Variants in CSMD1 observed in about 807,000 individuals in gnomAD.
CSMD1 encodes the protein CUB and Sushi multiple domains 1, also known as CUB and sushi domain-containing protein 1.
In CSMD1, 213 loss-of-function variants were observed where a neutral mutation model predicts 417.5. That is an observed-to-expected ratio of 0.51 (90% CI 0.46 to 0.57). CSMD1 has a LOEUF of 0.57. Among genes scored for constraint, CSMD1 ranks in the 20% least tolerant of loss-of-function variants. The pLI, the probability that CSMD1 is intolerant of heterozygous loss-of-function variation, is 0.00. For missense variants in CSMD1, 6,923 were observed against 4,529.7 expected (o/e 1.53, Z -15.17); for synonymous variants, 2,862 against 1,736.8 (o/e 1.65, Z -16.11).
At chr8:3,690,738 G>T (rs890599101) in intron 7 of CSMD1, among the ~76,000 whole-genome samples, 1 of 152,136 alleles carries the variant, frequency 6.6e-6, no homozygotes, top group Non-Finnish European at 1.5e-5. Flanking sequence ...TTTGTACTGA[G>T]ATACTCTTAA....
At chr8:4,179,633 G>C (rs1408716417) in intron 3 of CSMD1, among the ~76,000 whole-genome samples, 2 of 152,048 alleles carry the variant, frequency 1.3e-5, no homozygotes, top group South Asian at 2.1e-4. Context: ...CCATCAGAGT[G>C]AACAGGCAAC....
chr8:4,532,915 G>A (rs572920021), intron 2 of CSMD1, among the ~76,000 whole-genome samples: 1 of 151,218 alleles, frequency 6.6e-6, no homozygotes, highest in Non-Finnish European at 1.5e-5. Flanking sequence ...CACTCCGGAA[G>A]AGAAATCTTG....
intron 10 of CSMD1, among the ~76,000 whole-genome samples, chr8:3,504,195 C>G (rs1480368281): frequency 3.3e-5 from 5 of 152,132 alleles, no homozygotes; most frequent in East Asian, 1.9e-4. Flanking sequence ...TATTGAAACA[C>G]TGCATGTACC....
At chr8:4,509,191 T>C (rs1311814715) in intron 2 of CSMD1, among the ~76,000 whole-genome samples, 1 of 152,076 alleles carries the variant, frequency 6.6e-6, no homozygotes. Flanking sequence ...AACAAAATCA[T>C]CCAAACATTA....
intron 25 of CSMD1, among the ~76,000 whole-genome samples, chr8:3,304,515 T>A (rs1414612968): frequency 1.3e-5 from 2 of 152,166 alleles, no homozygotes; most frequent in Non-Finnish European, 2.9e-5. Context: ...GGGATTAAGT[T>A]GATTGTCAAT....
intron 1 of CSMD1, among the ~76,000 whole-genome samples, chr8:4,807,859 C>T (rs1027332254): frequency 6.6e-6 from 1 of 152,024 alleles, no homozygotes; most frequent in Non-Finnish European, 1.5e-5. Context: ...GTTAATATTA[C>T]TAGTAAGAGG....
At chr8:4,028,984 C>G (rs981227897) in intron 4 of CSMD1, among the ~76,000 whole-genome samples, 11 of 152,144 alleles carry the variant, frequency 7.2e-5, no homozygotes, top group African/African-American at 2.7e-4. Context: ...TAAAGGAATT[C>G]TCATCTTGCT....
At chr8:4,268,367 C>G (rs542295111) in intron 3 of CSMD1, among the ~76,000 whole-genome samples, 9 of 152,220 alleles carry the variant, frequency 5.9e-5, no homozygotes, top group African/African-American at 2.2e-4. Context: ...CCTCTTGGAT[C>G]AATACACTTA....
intron 3 of CSMD1, among the ~76,000 whole-genome samples, chr8:4,184,176 T>C (rs890109967): frequency 1.3e-5 from 2 of 152,174 alleles, no homozygotes; most frequent in Admixed American, 6.6e-5. Flanking sequence ...GCAATGGAAA[T>C]GTTATATTAA....
chr8:4,388,718 G>T (rs1246050891), intron 3 of CSMD1, among the ~76,000 whole-genome samples: 3 of 152,060 alleles, frequency 2.0e-5, no homozygotes, highest in Non-Finnish European at 2.9e-5. Flanking sequence ...AAAATAAAAT[G>T]TACTTGTTTA....
At chr8:4,839,649 G>A (rs927746395) in intron 1 of CSMD1, among the ~76,000 whole-genome samples, 1 of 152,088 alleles carries the variant, frequency 6.6e-6, no homozygotes. Context: ...ACACATGGTT[G>A]GGCATGAAAC....
chr8:3,863,123 C>A (rs368122323), intron 5 of CSMD1, among the ~76,000 whole-genome samples: 2 of 152,024 alleles, frequency 1.3e-5, no homozygotes, highest in Non-Finnish European at 2.9e-5. Flanking sequence ...GAAGGTCGGG[C>A]GCGGTGGCTA....
At chr8:4,523,979 C>T (rs1010894859) in intron 2 of CSMD1, among the ~76,000 whole-genome samples, 2 of 152,072 alleles carry the variant, frequency 1.3e-5, no homozygotes, top group Non-Finnish European at 2.9e-5. Context: ...TTCCTACGCT[C>T]TCCTCAAATG....
intron 40 of CSMD1, among the ~76,000 whole-genome samples, chr8:3,149,485 C>T (rs942041273): frequency 2.6e-5 from 4 of 151,966 alleles, no homozygotes; most frequent in African/African-American, 7.3e-5. Context: ...TTTATTTATT[C>T]ATTTACTTAT....
intron 2 of CSMD1, among the ~76,000 whole-genome samples, chr8:4,462,938 A>C (rs1186984007): frequency 6.6e-6 from 1 of 152,222 alleles, no homozygotes; most frequent in Non-Finnish European, 1.5e-5. Context: ...TCAAAAGCAC[A>C]AGAAAAGAAT....
Position 3,407,926 on chromosome 8 carries a change from C to T in CSMD1, c.2044G>A (p.Gly682Ser). Residue 682 changes from glycine (G) to serine (S), a missense_variant, in exon 14 of 70, where the codon GGC becomes AGC. Transcript: ENST00000635120. ...GTGTAAGTGATGTTGAACCCTCTGC[C>T]AGTAGTGGAATGGTCAGACTGAAAT... ...LEFQSDHSTT[G>S]RGFNITYTTF... The T allele has an allele frequency of 6.2e-7, 1 of 1,612,088 alleles. No homozygotes were observed. The highest frequency in any genetic ancestry group is 1.1e-5 in the South Asian group (1 of 90,838).
chr8:4,025,901 G>A (rs909471612), intron 4 of CSMD1, among the ~76,000 whole-genome samples: 2 of 151,688 alleles, frequency 1.3e-5, no homozygotes, highest in South Asian at 2.1e-4. Flanking sequence ...ATACATTTAG[G>A]TGTCATTATT....
intron 6 of CSMD1, among the ~76,000 whole-genome samples, chr8:3,752,308 C>T (rs564227650): frequency 6.6e-6 from 1 of 152,282 alleles, no homozygotes; most frequent in South Asian, 2.1e-4. Flanking sequence ...TAAGAACCTT[C>T]CGGCAACATC....
chr8:3,364,379 T>A (rs75156148), intron 20 of CSMD1, among the ~76,000 whole-genome samples: 14,036 of 152,254 alleles, frequency 0.092, 711 homozygotes, highest in Middle Eastern at 0.16. Flanking sequence ...AGGCTTTAGG[T>A]ATTATTTTCT....
Sources: allele counts gnomAD v4.1 joint callset (sites outside exome capture counted in the v4.1 genomes callset), GRCh38; gene constraint gnomAD v4.1.1; transcripts MANE v1.5; gene names NCBI Gene and HGNC (gene_info 2026-07-23, HGNC 2026-07-21).